SERPINE2: variants seen among roughly 807,000 people sequenced by gnomAD.
SERPINE2 encodes glia-derived nexin.
In SERPINE2, 14 loss-of-function variants were observed where a neutral mutation model predicts 36.3. That is an observed-to-expected ratio of 0.39 (90% CI 0.25 to 0.60). The LOEUF is 0.60. SERPINE2 is among the 20% of genes least tolerant of loss of function. The pLI is 0.57. For missense variants in SERPINE2, 418 were observed against 499.6 expected (o/e 0.84, Z 1.56); for synonymous variants, 192 against 191.8 (o/e 1.00, Z -0.01).
intron 7 of SERPINE2, chr2:223,978,701 A>C (rs1262730061): frequency 6.6e-6 from 1 of 152,202 alleles, no homozygotes; most frequent in Non-Finnish European, 1.5e-5. Context: ...CTTGGGCTTG[A>C]TGTTATAAAG....
chr2:224,027,865 G>A (rs923981310), intron 1 of SERPINE2, among the ~76,000 whole-genome samples: 2 of 152,152 alleles, frequency 1.3e-5, no homozygotes, highest in African/African-American at 2.4e-5. Context: ...TCAGCTGCAC[G>A]TCACCCAAAT....
chr2:223,977,483 G>C lies in SERPINE2; in HGVS notation c.1156+61C>G. 2.9e-6 allele frequency: 3 copies of C among 1,050,050 alleles called. No homozygotes were observed. The South Asian group carries it at 3.8e-5, about 13-fold the overall frequency. The allele number at this position is 1,050,050 out of a possible 1,614,324, so 65.0% of individuals were successfully genotyped here. On this transcript the variant is annotated intron_variant, in intron 8 of 8. Coordinates refer to ENST00000409304, the MANE Select transcript of SERPINE2 (RefSeq NM_001136528.2). ...GCACCACTGTTGGATATAATGAAGA[G>C]TGCAATATACCTTTTGAAATTCTAA...
At chr2:224,017,537 T>C (rs1365251873) in intron 1 of SERPINE2, among the ~76,000 whole-genome samples, 1 of 152,228 alleles carries the variant, frequency 6.6e-6, no homozygotes, top group East Asian at 1.9e-4. Context: ...TTAATTCTTA[T>C]TCTATAAGAA....
chr2:223,977,714 C>A, intron 7 of SERPINE2, 87 bp from the exon 8 acceptor site: 2 of 861,566 alleles, frequency 2.3e-6, no homozygotes, highest in Admixed American at 1.7e-5. Flanking sequence ...TTCATGGACC[C>A]TCAGAGGCTG....
chr2:224,016,903 T>C (rs1451248204), intron 1 of SERPINE2, among the ~76,000 whole-genome samples: 4 of 152,210 alleles, frequency 2.6e-5, no homozygotes, highest in Non-Finnish European at 5.9e-5. Flanking sequence ...TCCATGTATA[T>C]AACATTGTTG....
rs770441905 is a variant in SERPINE2 at position 223,980,314 on chromosome 2, T to C, written c.1069A>G (p.Thr357Ala). 5 of 1,613,946 alleles carry C rather than the reference T, an allele frequency of 3.1e-6. No homozygotes were observed. In the Admixed American group the frequency reaches 5.0e-5, roughly 16 times the overall value. The change falls in exon 7 of 9, where the codon ACA becomes GCA. Residue 357 changes from threonine to alanine, a missense_variant. By Grantham distance (58) the Thr-to-Ala change is moderately conservative. Transcript: ENST00000409304. ...TGCCACGTGACCCAGTGCTTACTTG[T>C]TGCTGCTGAAGCTTTGGTTCCATCT... ...SEDGTKASAA[T>A]TAILIARSSP... is the part of the protein sequence containing the mutation.
chr2:223,988,161 C>T (rs1290503974), intron 4 of SERPINE2, among the ~76,000 whole-genome samples: 2 of 151,994 alleles, frequency 1.3e-5, no homozygotes, highest in African/African-American at 4.8e-5. Flanking sequence ...ACTAAATGGG[C>T]AAGGGCAATA....
intron 1 of SERPINE2, among the ~76,000 whole-genome samples, chr2:224,024,006 T>C (rs1278165606): frequency 6.6e-6 from 1 of 152,188 alleles, no homozygotes; most frequent in Admixed American, 6.5e-5. Context: ...AAGAGGTGGG[T>C]GGTCCCTGGT....
chr2:224,012,722 A>C (rs1691671970), intron 1 of SERPINE2, among the ~76,000 whole-genome samples: 1 of 152,188 alleles, frequency 6.6e-6, no homozygotes, highest in African/African-American at 2.4e-5. Flanking sequence ...GTATACCGTT[A>C]TGTAGCCTTC....
chr2:224,032,548 C>T (rs1235128644), intron 1 of SERPINE2, among the ~76,000 whole-genome samples: 5 of 152,056 alleles, frequency 3.3e-5, no homozygotes, highest in African/African-American at 4.8e-5. Flanking sequence ...GATTTGCAGC[C>T]GTAACAGGAA....
chr2:224,024,255 G>A (rs532888765), intron 1 of SERPINE2, among the ~76,000 whole-genome samples: 9 of 152,190 alleles, frequency 5.9e-5, no homozygotes, highest in African/African-American at 1.7e-4. Context: ...AGTTTGCAAA[G>A]AAAATCTCAA....
At chr2:224,004,596 G>A (rs1033084886) in intron 1 of SERPINE2, among the ~76,000 whole-genome samples, 1 of 152,066 alleles carries the variant, frequency 6.6e-6, no homozygotes, top group East Asian at 1.9e-4. Flanking sequence ...AATCATGACC[G>A]TGGAAGCTTT....
chr2:224,009,373 A>G (rs1418344003), intron 1 of SERPINE2, among the ~76,000 whole-genome samples: 1 of 152,110 alleles, frequency 6.6e-6, no homozygotes, highest in Non-Finnish European at 1.5e-5. Context: ...ATCTCTCAAC[A>G]GCTTTTCCTG....
At chr2:224,019,562 A>G (rs1559216728) in intron 1 of SERPINE2, among the ~76,000 whole-genome samples, 1 of 87,736 alleles carries the variant, frequency 1.1e-5, no homozygotes, top group Non-Finnish European at 2.3e-5. Flanking sequence ...TCACCATGGC[A>G]CCCCAGCCTC....
chr2:223,990,128 C>T (rs1480739962), intron 4 of SERPINE2, among the ~76,000 whole-genome samples: 2 of 152,104 alleles, frequency 1.3e-5, no homozygotes, highest in African/African-American at 4.8e-5. Flanking sequence ...CCCCTTTCTC[C>T]TCTGTCCTTC....
At chr2:223,981,522 C>A in intron 6 of SERPINE2, 1 of 152,352 alleles carries the variant, frequency 6.6e-6, no homozygotes, top group Non-Finnish European at 1.5e-5. Flanking sequence ...GAACGGCTAT[C>A]AGAATATCCA....
At chr2:223,975,989 G>A in intron 8 of SERPINE2, 85 bp from the exon 9 acceptor site, 2 of 1,289,878 alleles carry the variant, frequency 1.6e-6, no homozygotes, top group South Asian at 1.4e-5. Flanking sequence ...TTAAGGGAAG[G>A]GAAACAATCA....
At chr2:223,998,006 A>G in intron 3 of SERPINE2, 109 bp downstream of exon 3, 1 of 834,692 alleles carries the variant, frequency 1.2e-6, no homozygotes, top group Non-Finnish European at 2.0e-6. Flanking sequence ...GGAGTTTCTC[A>G]ACCCACAGGC....
intron 8 of SERPINE2, 35 bp downstream of exon 8, chr2:223,977,507 AAC>A: frequency 7.4e-7 from 1 of 1,347,402 alleles, no homozygotes; most frequent in Admixed American, 1.7e-5. Context: ...TTGAAATTCT[AAC>A]AGAGAGGGCA....
Sources: gnomAD v4.1 joint callset for allele counts (sites outside exome capture counted in the v4.1 genomes callset) on GRCh38, gnomAD v4.1.1 for gene constraint, MANE v1.5 for transcripts, NCBI Gene and HGNC (gene_info 2026-07-23, HGNC 2026-07-21) for gene names.